Variants in KCNH7 observed in about 807,000 individuals in gnomAD.
KCNH7 encodes the protein potassium voltage-gated channel subfamily H member 7.
KCNH7 carries 49 observed loss-of-function variants against 120.8 expected under a neutral mutation model. That is an observed-to-expected ratio of 0.41 (90% CI 0.32 to 0.51). The LOEUF (loss-of-function observed/expected upper bound fraction) is 0.51, where lower values mean the gene tolerates loss of function less well. Among genes scored for constraint, KCNH7 ranks in the 20% least tolerant of loss-of-function variants. The pLI, the probability that KCNH7 is intolerant of heterozygous loss-of-function variation, is 0.38. For synonymous variants in KCNH7, 547 were observed against 516.1 expected (o/e 1.06, Z -0.81); for missense variants, 1,097 against 1,446.6 (o/e 0.76, Z 3.92).
At chr2:162,723,520 G>A (rs1291042644) in intron 2 of KCNH7, among the ~76,000 whole-genome samples, 1 of 152,120 alleles carries the variant, frequency 6.6e-6, no homozygotes. Context: ...ATGAAGGCAG[G>A]GGGCTACCAT....
chr2:162,647,005 T>C (rs1684383066), intron 2 of KCNH7, among the ~76,000 whole-genome samples: 1 of 152,146 alleles, frequency 6.6e-6, no homozygotes, highest in African/African-American at 2.4e-5. Flanking sequence ...TACCCAGCAA[T>C]AGAAAACAAA....
intron 2 of KCNH7, among the ~76,000 whole-genome samples, chr2:162,599,756 T>C (rs1366942657): frequency 2.0e-5 from 3 of 152,092 alleles, no homozygotes; most frequent in Admixed American, 1.3e-4. Context: ...TTATATACTA[T>C]GTTTCACAAA....
chr2:162,594,187 G>T (rs1241447028), intron 2 of KCNH7, among the ~76,000 whole-genome samples: 1 of 151,836 alleles, frequency 6.6e-6, no homozygotes, highest in African/African-American at 2.4e-5. Context: ...GTCTTTAAAA[G>T]AACATTCTAG....
chr2:162,820,393 C>T (rs1559149204), intron 2 of KCNH7, among the ~76,000 whole-genome samples: 2 of 152,006 alleles, frequency 1.3e-5, no homozygotes, highest in Admixed American at 6.6e-5. Context: ...TAAACTTTCA[C>T]TGAACAAATA....
intron 14 of KCNH7, among the ~76,000 whole-genome samples, chr2:162,376,163 T>C (rs893035621): frequency 1.3e-5 from 2 of 152,082 alleles, no homozygotes; most frequent in Non-Finnish European, 2.9e-5. Context: ...TGAATAAATA[T>C]GAAATCTGAT....
intron 2 of KCNH7, among the ~76,000 whole-genome samples, chr2:162,834,929 C>T (rs1685603647): frequency 6.6e-6 from 1 of 152,072 alleles, no homozygotes. Context: ...CCAACATTCA[C>T]TGAAGTTACC....
intron 2 of KCNH7, among the ~76,000 whole-genome samples, chr2:162,732,618 C>G (rs184429042): frequency 6.6e-6 from 1 of 152,260 alleles, no homozygotes; most frequent in Non-Finnish European, 1.5e-5. Context: ...GGTGCACTCA[C>G]ATCAGCAAGT....
At chr2:162,537,841 C>T (rs146320543) in intron 2 of KCNH7, among the ~76,000 whole-genome samples, 8 of 151,976 alleles carry the variant, frequency 5.3e-5, no homozygotes, top group Admixed American at 5.2e-4. Context: ...CACTACCATC[C>T]GTCTTCCAAC....
In KCNH7 at chr2:162,379,854, T is replaced by C; in HGVS notation, c.3130A>G (p.Arg1044Gly). 5.0e-6 allele frequency: 8 copies of C among 1,613,880 alleles called. No individual in the cohort carries two copies. The highest frequency in any genetic ancestry group is 6.8e-6 in the Non-Finnish European group (8 of 1,179,816). Residue 1044 changes from arginine to glycine, a missense_variant and splice_region_variant, in exon 14 of 16, where the codon AGG becomes GGG. Arg to Gly is a moderately radical substitution (Grantham distance 125). Transcript: ENST00000332142. ...RLDLLQEQLN[R>G]LESQMTTDIQ... ...CCTTTTGCCCATCACTGCTTATACC[T>C]GTTAAGTTGCTCCTGGAGCAGATCT... is the stretch of plus-strand genomic sequence containing the variant.
intron 6 of KCNH7, among the ~76,000 whole-genome samples, chr2:162,493,368 A>C (rs1006953967): frequency 1.3e-5 from 2 of 152,230 alleles, no homozygotes; most frequent in African/African-American, 4.8e-5. Flanking sequence ...TGAAGGAAAA[A>C]TAAAAGCTAT....
At chr2:162,680,378 G>A (rs916195721) in intron 2 of KCNH7, among the ~76,000 whole-genome samples, 15 of 151,646 alleles carry the variant, frequency 9.9e-5, no homozygotes, top group African/African-American at 3.1e-4. Flanking sequence ...TAGGACTCGT[G>A]GAGAAAGAAA....
intron 3 of KCNH7, among the ~76,000 whole-genome samples, chr2:162,523,516 A>G (rs1417539903): frequency 6.6e-6 from 1 of 151,630 alleles, no homozygotes; most frequent in Non-Finnish European, 1.5e-5. Flanking sequence ...GACCTCATCC[A>G]TCTGCTGCTA....
At chr2:162,831,091 G>A (rs542756263) in intron 2 of KCNH7, among the ~76,000 whole-genome samples, 1 of 152,244 alleles carries the variant, frequency 6.6e-6, no homozygotes, top group Admixed American at 6.5e-5. Context: ...GTAAGACAAA[G>A]TTGTTAAGGG....
intron 2 of KCNH7, among the ~76,000 whole-genome samples, chr2:162,717,688 T>C (rs1216805742): frequency 6.6e-6 from 1 of 152,120 alleles, no homozygotes; most frequent in Non-Finnish European, 1.5e-5. Flanking sequence ...ACCCTGACTT[T>C]ATATTAGTCA....
At chr2:162,536,337 T>C (rs912324048) in intron 3 of KCNH7, among the ~76,000 whole-genome samples, 2 of 151,946 alleles carry the variant, frequency 1.3e-5, no homozygotes, top group Non-Finnish European at 2.9e-5. Context: ...CTTAAATATA[T>C]GGACCTTACT....
intron 2 of KCNH7, among the ~76,000 whole-genome samples, chr2:162,687,438 T>G (rs1007077038): frequency 1.3e-5 from 2 of 152,188 alleles, no homozygotes; most frequent in Non-Finnish European, 2.9e-5. Context: ...TATTACTTTC[T>G]AATTATTGGA....
intron 2 of KCNH7, among the ~76,000 whole-genome samples, chr2:162,698,771 A>T (rs970156923): frequency 6.6e-6 from 1 of 152,118 alleles, no homozygotes; most frequent in Non-Finnish European, 1.5e-5. Context: ...CCATGGAGAT[A>T]AATGAGAAAA....
rs1178995674 is a variant in KCNH7, at chr2:162,714,778, A to AT, written c.307+121758dup. On this transcript the variant is annotated intron_variant, in intron 2 of 15. Transcript: ENST00000332142. ...AAACTTTATGGACACTGAAATTTAG[A>AT]TTTTATATAATTTCCACATGAAACA... is the stretch of plus-strand genomic sequence containing the variant. Among the ~76,000 whole-genome samples the AT allele has an allele frequency of 3.3e-5, 5 of 152,296 alleles. No homozygotes were observed. The East Asian group carries it at 9.6e-4, about 29-fold the overall frequency.
intron 9 of KCNH7, among the ~76,000 whole-genome samples, chr2:162,402,788 CGT>C (rs367676335): frequency 6.6e-6 from 1 of 150,502 alleles, no homozygotes; most frequent in African/African-American, 2.4e-5. Flanking sequence ...AAAAAAATTG[CGT>C]GTGTGTGTGT....
Sources: allele counts gnomAD v4.1 joint callset (sites outside exome capture counted in the v4.1 genomes callset), GRCh38; gene constraint gnomAD v4.1.1; transcripts MANE v1.5; gene names NCBI Gene and HGNC (gene_info 2026-07-23, HGNC 2026-07-21).